TNRC6A: variants seen among roughly 807,000 people sequenced by gnomAD.
TNRC6A encodes trinucleotide repeat containing adaptor 6A.
TNRC6A carries 44 observed loss-of-function variants against 221.2 expected under a neutral mutation model. The observed-to-expected ratio is 0.20, with a 90% CI of 0.16 to 0.26. TNRC6A has a LOEUF of 0.26. Among genes scored for constraint, TNRC6A ranks in the 10% least tolerant of loss-of-function variants. The pLI, the probability that TNRC6A is intolerant of heterozygous loss-of-function variation, is 1.00. For synonymous variants in TNRC6A, 847 were observed against 838.5 expected (o/e 1.01, Z -0.18); for missense variants, 2,199 against 2,404.4 (o/e 0.91, Z 1.79).
At chr16:24,638,230 TGACATAGTG>T (rs1567315700) in intron 1 of TNRC6A, among the ~76,000 whole-genome samples, 1 of 145,890 alleles carries the variant, frequency 6.9e-6, no homozygotes, top group African/African-American at 2.6e-5. Context: ...CCAGCCTGGG[TGACATAGTG>T]AGACCCCATC....
In TNRC6A at chr16:24,716,616, G is replaced by A. The variant is rs190535791; in HGVS notation, n.403-34110G>A. 3.9e-5 allele frequency among the ~76,000 whole-genome samples: 6 copies of A among 152,144 alleles called. No homozygotes were observed. The East Asian group carries it at 1.2e-3, about 29-fold the overall frequency. The stretch of plus-strand genomic sequence containing the variant: ...CCTGGGAGGTAGTCAAGGCTACCAT[G>A]TTCACGCCACTGCATTCCAGCTTGG... On this transcript the variant is annotated intron_variant and non_coding_transcript_variant, in intron 2 of 2. Coordinates refer to the TNRC6A transcript ENST00000566108.
Position 24,793,617 on chromosome 16 carries a change from G to C in TNRC6A, c.3320G>C (p.Ser1107Thr). 2 of 1,543,366 alleles carry C rather than the reference G, an allele frequency of 1.3e-6. No individual in the cohort carries two copies. Among genetic ancestry groups the C allele is most frequent in the Non-Finnish European group, 1.7e-6 (2 of 1,143,576 alleles). ...TCCAGCACATCCACGTGGGGCTCCA[G>C]CTCTGTTGGTCCACAAGCATTAAGC... ...AASSTSTWGS[S>T]SVGPQALSKS... The change falls in exon 7 of 25, where the codon AGC (serine) becomes ACC (threonine). Residue 1107 changes from serine to threonine, a missense_variant. Coordinates refer to ENST00000395799, the MANE Select transcript of TNRC6A (RefSeq NM_014494.4).
intron 2 of TNRC6A, chr16:24,663,949 C>G (rs1218805179): frequency 2.2e-6 from 1 of 456,566 alleles, no homozygotes; most frequent in Non-Finnish European, 4.4e-6. Flanking sequence ...GGTGAAGAGC[C>G]AGTCCTTCCT....
chr16:24,752,382 C>T (rs933321630), intron 3 of TNRC6A, among the ~76,000 whole-genome samples: 2 of 152,068 alleles, frequency 1.3e-5, no homozygotes, highest in African/African-American at 4.8e-5. Context: ...GTGTCATCAG[C>T]AAGTATTAGG....
At chr16:24,788,850 A>G (rs1007302633) in intron 5 of TNRC6A, among the ~76,000 whole-genome samples, 1 of 152,084 alleles carries the variant, frequency 6.6e-6, no homozygotes, top group African/African-American at 2.4e-5. Context: ...GGGTTTCACC[A>G]TGTTAGCCAG....
chr16:24,691,067 C>T (rs756677962), intron 2 of TNRC6A, among the ~76,000 whole-genome samples: 4 of 152,118 alleles, frequency 2.6e-5, no homozygotes, highest in Non-Finnish European at 4.4e-5. Flanking sequence ...GCCTCGGCCT[C>T]CCAAAGTGCT....
At chr16:24,623,706 T>C (rs1900802559) in intron 1 of TNRC6A, among the ~76,000 whole-genome samples, 1 of 151,158 alleles carries the variant, frequency 6.6e-6, no homozygotes, top group South Asian at 2.1e-4. Context: ...GCCCGGGCAA[T>C]ATAGTGAGAC....
intron 2 of TNRC6A, among the ~76,000 whole-genome samples, chr16:24,645,903 C>CAGCT (rs1390925729): frequency 1.4e-5 from 2 of 141,390 alleles, no homozygotes; most frequent in African/African-American, 5.3e-5. Flanking sequence ...TCTGTAGTCC[C>CAGCT]AGCTACTTGA....
chr16:24,666,976 C>T (rs1690314441), intron 2 of TNRC6A, among the ~76,000 whole-genome samples: 1 of 151,668 alleles, frequency 6.6e-6, no homozygotes, highest in Admixed American at 6.6e-5. Flanking sequence ...ATTAGCAGGG[C>T]GCAGTGGCAC....
intron 1 of TNRC6A, among the ~76,000 whole-genome samples, chr16:24,622,420 G>T (rs984819237): frequency 2.0e-5 from 3 of 152,088 alleles, no homozygotes; most frequent in Admixed American, 6.6e-5. Context: ...GGCCAACATG[G>T]TGAAACCCTG....
intron 2 of TNRC6A, among the ~76,000 whole-genome samples, chr16:24,744,301 CA>C (rs1017240837): frequency 3.3e-5 from 5 of 152,134 alleles, no homozygotes; most frequent in African/African-American, 1.2e-4. Context: ...TTCATCACTG[CA>C]AAGTTAGTAT....
chr16:24,808,160 A>G (rs1424636550), intron 17 of TNRC6A, among the ~76,000 whole-genome samples: 1 of 152,270 alleles, frequency 6.6e-6, no homozygotes, highest in Non-Finnish European at 1.5e-5. Flanking sequence ...ACCCAAGTAC[A>G]GGGAGAAGTT....
intron 5 of TNRC6A, among the ~76,000 whole-genome samples, chr16:24,784,031 C>T (rs193258451): frequency 9.9e-5 from 15 of 152,254 alleles, no homozygotes; most frequent in African/African-American, 2.9e-4. Flanking sequence ...GAGTTTCGCT[C>T]TTACATAATG....
rs1461249773 is a variant in TNRC6A at position 24,675,684 on chromosome 16, C to T, written n.402+34675C>T. On this transcript the variant is annotated intron_variant and non_coding_transcript_variant, in intron 2 of 2. Transcript: ENST00000566108. ...ACTCTCTCTCTCTCTCTCTCTCTCT[C>T]TCTCTCTCTCTCTCTCTCTATATAT... Among the ~76,000 whole-genome samples the T allele has an allele frequency of 4.9e-5, 4 of 81,652 alleles. No homozygotes were observed. The Admixed American group carries it at 5.3e-4, about 11-fold the overall frequency. 53.6% of individuals were successfully genotyped at this position (81,652 alleles called of 152,430 possible).
chr16:24,789,217 TCTC>T lies in TNRC6A; in HGVS notation c.590-12_590-10del. The stretch of plus-strand genomic sequence containing the variant: ...CTAACACTTTATAAATAGTTGTACT[TCTC>T]CTTTATCCTAGATATAAACCACAGT... On this transcript the variant is annotated splice_polypyrimidine_tract_variant and intron_variant, in intron 5 of 24. Coordinates refer to ENST00000395799, the MANE Select transcript of TNRC6A (RefSeq NM_014494.4). 1 of 1,548,896 alleles carries T rather than the reference TCTC, an allele frequency of 6.5e-7. No individual in the cohort carries two copies. Among genetic ancestry groups the T allele is most frequent in the Non-Finnish European group, 8.7e-7 (1 of 1,150,478 alleles).
At chr16:24,633,379 T>G (rs1901450238) in intron 1 of TNRC6A, among the ~76,000 whole-genome samples, 1 of 152,072 alleles carries the variant, frequency 6.6e-6, no homozygotes, top group Non-Finnish European at 1.5e-5. Context: ...ATACTCATGG[T>G]GTATTTATTT....
intron 2 of TNRC6A, among the ~76,000 whole-genome samples, chr16:24,732,629 T>C (rs2056671062): frequency 6.6e-6 from 1 of 152,202 alleles, no homozygotes; most frequent in Admixed American, 6.5e-5. Context: ...AAATTTCTTT[T>C]GGTAGGCGGG....
intron 2 of TNRC6A, among the ~76,000 whole-genome samples, chr16:24,708,550 T>C (rs566392533): frequency 4.6e-4 from 70 of 151,694 alleles, no homozygotes; most frequent in Non-Finnish European, 9.7e-4. Context: ...CATGGATGAG[T>C]TCTTTAGTGG....
intron 6 of TNRC6A, 64 bp from the exon 7 acceptor site, chr16:24,793,409 C>G (rs2058152141): frequency 7.9e-7 from 1 of 1,261,872 alleles, no homozygotes; most frequent in Non-Finnish European, 1.0e-6. Flanking sequence ...TCTTTATTGT[C>G]CCTTATTCCA....
Sources: gnomAD v4.1 joint callset for allele counts (sites outside exome capture counted in the v4.1 genomes callset) on GRCh38, gnomAD v4.1.1 for gene constraint, MANE v1.5 for transcripts, NCBI Gene and HGNC (gene_info 2026-07-23, HGNC 2026-07-21) for gene names.